The following EHD4 variants were observed in gnomAD, a reference collection of about 807,000 sequenced individuals.
EHD4 encodes EH domain-containing protein 4.
In EHD4, 37 loss-of-function variants were observed where a neutral mutation model predicts 51.0. That is an observed-to-expected ratio of 0.73 (90% CI 0.56 to 0.95). The LOEUF (loss-of-function observed/expected upper bound fraction) is 0.95, where lower values mean the gene tolerates loss of function less well. EHD4 is among the 40% of genes least tolerant of loss of function. EHD4 has a pLI of 0.00. For synonymous variants in EHD4, 297 were observed against 317.3 expected (o/e 0.94, Z 0.68); for missense variants, 632 against 733.1 (o/e 0.86, Z 1.59).
chr15:41,917,149 C>G (rs1415464330), intron 4 of EHD4, among the ~76,000 whole-genome samples: 3 of 145,858 alleles, frequency 2.1e-5, no homozygotes, highest in Non-Finnish European at 4.6e-5. Context: ...GAGACAGAGT[C>G]TCACTCTGTC....
intron 4 of EHD4, among the ~76,000 whole-genome samples, chr15:41,911,883 T>G (rs928622327): frequency 6.6e-6 from 1 of 152,078 alleles, no homozygotes; most frequent in African/African-American, 2.4e-5. Context: ...AGGCCCCAGC[T>G]CAGGGAGGGC....
At chr15:41,950,376 A>G (rs2067844999) in intron 2 of EHD4, among the ~76,000 whole-genome samples, 1 of 152,246 alleles carries the variant, frequency 6.6e-6, no homozygotes, top group East Asian at 1.9e-4. Flanking sequence ...GATCTGTCAC[A>G]GGGAGATTCT....
In EHD4 at chr15:41,954,201, T is replaced by G. The variant is rs115028759; in HGVS notation, c.237-261A>C. On this transcript the variant is annotated intron_variant, in intron 1 of 5. Coordinates refer to ENST00000220325, the MANE Select transcript of EHD4 (RefSeq NM_139265.4). ...CTTAGGGGAGCCTCCCTGACCTGCA[T>G]GTGGGGACACCTCTTTTGTGGTCCC... 2.6e-3 allele frequency among the ~76,000 whole-genome samples: 394 copies of G among 152,276 alleles called. 3 individuals are homozygous for G. Among genetic ancestry groups the G allele is most frequent in the African/African-American group, 9.2e-3 (381 of 41,556 alleles).
chr15:41,934,814 A>C (rs1281512320), intron 3 of EHD4, among the ~76,000 whole-genome samples: 2 of 152,206 alleles, frequency 1.3e-5, no homozygotes, highest in African/African-American at 4.8e-5. Flanking sequence ...GGAAAGAGAA[A>C]AACCAGCAAC....
At chr15:41,961,965 G>A (rs1294063060) in intron 1 of EHD4, among the ~76,000 whole-genome samples, 1 of 152,076 alleles carries the variant, frequency 6.6e-6, no homozygotes, top group African/African-American at 2.4e-5. Flanking sequence ...AAACAAAAAT[G>A]TACAACTCAG....
intron 3 of EHD4, among the ~76,000 whole-genome samples, chr15:41,930,745 A>C (rs2067692704): frequency 1.3e-5 from 2 of 152,182 alleles, no homozygotes; most frequent in Admixed American, 6.5e-5. Flanking sequence ...TATTACTCAG[A>C]GACAGTTATT....
chr15:41,952,195 C>G (rs933934976), intron 2 of EHD4, among the ~76,000 whole-genome samples: 3 of 152,192 alleles, frequency 2.0e-5, no homozygotes, highest in Admixed American at 6.5e-5. Context: ...ATGAATGGTG[C>G]CCCTGGAGCT....
intron 1 of EHD4, among the ~76,000 whole-genome samples, chr15:41,959,395 C>CAAAAAAAAA (rs36120701): frequency 1.5e-5 from 1 of 66,412 alleles, no homozygotes. Flanking sequence ...GACTTTGTCT[C>CAAAAAAAAA]AAAAAAAAAA....
chr15:41,901,323 C>T lies in EHD4; in HGVS notation c.1090-142G>A, dbSNP rs779800524. 36 of 785,202 alleles carry T rather than the reference C, an allele frequency of 4.6e-5. 1 individual carries two copies. The highest frequency in any genetic ancestry group is 6.5e-5 in the Non-Finnish European group (35 of 536,122). 48.6% of individuals were successfully genotyped at this position (785,202 alleles called of 1,614,324 possible). On this transcript the variant is annotated intron_variant, in intron 5 of 5. Transcript: ENST00000220325. ...GAGTGCACTCTTTGGGAGCTTCCCACATCCAGATGTACCACATATAGGAGT... is the reference window on the plus strand; with the variant it reads ...GAGTGCACTCTTTGGGAGCTTCCCATATCCAGATGTACCACATATAGGAGT...
chr15:41,952,578 C>T (rs1944005835), intron 2 of EHD4, among the ~76,000 whole-genome samples: 1 of 152,100 alleles, frequency 6.6e-6, no homozygotes, highest in African/African-American at 2.4e-5. Flanking sequence ...CTTCCCCAGG[C>T]CAGCAGCCCT....
intron 2 of EHD4, among the ~76,000 whole-genome samples, chr15:41,949,051 T>TATATATATATATATATATATATAC (rs1491135423): frequency 4.2e-4 from 46 of 109,360 alleles, no homozygotes; most frequent in Non-Finnish European, 6.4e-4. Flanking sequence ...TATATATATA[T>TATATATATATATATATATATATAC]ACACACATAC....
chr15:41,917,280 C>T (rs1309433631), intron 4 of EHD4, among the ~76,000 whole-genome samples: 1 of 152,100 alleles, frequency 6.6e-6, no homozygotes, highest in Non-Finnish European at 1.5e-5. Context: ...GCCACCATGC[C>T]TGGCTAATTT....
At chr15:41,970,837 C>T (rs1451047) in intron 1 of EHD4, among the ~76,000 whole-genome samples, 6,040 of 152,292 alleles carry the variant, frequency 0.04, 407 homozygotes, top group African/African-American at 0.14. Context: ...TTGGCCATAA[C>T]ACTTTATTAT....
At chr15:41,931,024 C>T (rs1328815054) in intron 3 of EHD4, among the ~76,000 whole-genome samples, 1 of 152,180 alleles carries the variant, frequency 6.6e-6, no homozygotes, top group Non-Finnish European at 1.5e-5. Flanking sequence ...ATGCCTTCTA[C>T]AGTGGCATTT....
chr15:41,909,812 C>T lies in EHD4; in HGVS notation c.976G>A (p.Gly326Arg). Residue 326 changes from glycine to arginine, a missense_variant, in exon 5 of 6, where the codon GGA (glycine) becomes AGA (arginine). Transcript: ENST00000220325. The part of the protein sequence containing the change: ...YLKKEMPSVF[G>R]KENKKRELIS... ...AGCTCTCTCTTCTTGTTTTCCTTTC[C>T]AAATACACTTGGCATCTCCTTCTTC... 6.2e-7 allele frequency: 1 copy of T among 1,614,226 alleles called. No homozygotes were observed. Among genetic ancestry groups the T allele is most frequent in the Non-Finnish European group, 8.5e-7 (1 of 1,180,048 alleles).
chr15:41,914,920 G>A (rs2140986687), intron 4 of EHD4, among the ~76,000 whole-genome samples: 1 of 152,076 alleles, frequency 6.6e-6, no homozygotes, highest in South Asian at 2.1e-4. Context: ...TGAGTAGCCA[G>A]GATTACAGGC....
chr15:41,920,785 C>A (rs1054112917), intron 3 of EHD4, among the ~76,000 whole-genome samples: 5 of 152,110 alleles, frequency 3.3e-5, no homozygotes, highest in Non-Finnish European at 5.9e-5. Flanking sequence ...CAGAAAAGAA[C>A]AAGAGTAAAA....
At chr15:41,966,891 A>G (rs947747941) in intron 1 of EHD4, among the ~76,000 whole-genome samples, 6 of 152,152 alleles carry the variant, frequency 3.9e-5, no homozygotes, top group African/African-American at 1.2e-4. Flanking sequence ...GGTCTCCACA[A>G]GCTCTGCTTC....
At chr15:41,903,553 C>T (rs1648812) in intron 5 of EHD4, among the ~76,000 whole-genome samples, 8,287 of 151,828 alleles carry the variant, frequency 0.055, 764 homozygotes, top group African/African-American at 0.19. Flanking sequence ...TTAATTTTTA[C>T]ATAACCTTTC....
Sources: gnomAD v4.1 joint callset for allele counts (sites outside exome capture counted in the v4.1 genomes callset) on GRCh38, gnomAD v4.1.1 for gene constraint, MANE v1.5 for transcripts, NCBI Gene and HGNC (gene_info 2026-07-23, HGNC 2026-07-21) for gene names.